BEND2: variants seen among roughly 807,000 people sequenced by gnomAD.
BEND2 encodes the protein BEN domain containing 2.
BEND2 carries 19 observed loss-of-function variants against 43.8 expected under a neutral mutation model. The ratio of observed to expected loss-of-function variants is 0.43; its 90% CI spans 0.30 to 0.64. The LOEUF (loss-of-function observed/expected upper bound fraction) is 0.64. Among genes scored for constraint, BEND2 ranks in the 30% least tolerant of loss-of-function variants. The probability of loss-of-function intolerance (pLI) is 0.11; values close to 1 mark genes in which losing one functional copy is unlikely to be tolerated. For missense variants in BEND2, 544 were observed against 574.0 expected (o/e 0.95, Z 0.53); for synonymous variants, 226 against 210.1 (o/e 1.08, Z -0.66).
chrX:18,184,139 C>T (rs1359310307), intron 8 of BEND2, among the ~76,000 whole-genome samples: 1 of 111,403 alleles, frequency 9.0e-6, no homozygotes, highest in Non-Finnish European at 1.9e-5. Context: ...CACCCCTTCC[C>T]CAGCTCCATG....
At chrX:18,170,960 T>A in intron 13 of BEND2, 41 bp downstream of exon 13, 1 of 1,208,035 alleles carries the variant, frequency 8.3e-7, no homozygotes, top group Non-Finnish European at 1.1e-6. Context: ...TTAAACACAA[T>A]TGGCTTTTAT....
chrX:18,215,132 T>C (rs934752417), intron 2 of BEND2, among the ~76,000 whole-genome samples: 6 of 112,098 alleles, frequency 5.4e-5, no homozygotes, highest in African/African-American at 1.9e-4. Flanking sequence ...TGTGTATACA[T>C]TGAAAGGCAA....
At chrX:18,169,468 C>T (rs753140932) in intron 13 of BEND2, among the ~76,000 whole-genome samples, 65 of 111,606 alleles carry the variant, frequency 5.8e-4, no homozygotes, top group Non-Finnish European at 1.1e-3. Context: ...GAACTCATTT[C>T]GAATGAAGGA....
In BEND2 at chrX:18,183,624, C is replaced by A. The variant is rs758541514; in HGVS notation, c.1289-2974G>T. Among the ~76,000 whole-genome samples the A allele has an allele frequency of 5.3e-5, 6 of 112,352 alleles. No individual in the cohort carries two copies. In the South Asian group the frequency reaches 2.2e-3, roughly 42 times the overall value. Reference sequence around the variant, plus strand: ...AGGCCTTGGCTCTTAGATGGCATTTCTGGGCCTGCCCTGGGCCAGAGGGGA... The same window carrying A: ...AGGCCTTGGCTCTTAGATGGCATTTATGGGCCTGCCCTGGGCCAGAGGGGA... On this transcript the variant is annotated intron_variant, in intron 8 of 13. Coordinates refer to ENST00000380033, the MANE Select transcript of BEND2 (RefSeq NM_153346.5).
chrX:18,200,259 T>C (rs930588313), intron 6 of BEND2, among the ~76,000 whole-genome samples: 1 of 111,106 alleles, frequency 9.0e-6, no homozygotes, highest in Non-Finnish European at 1.9e-5. Context: ...TCTCAGCACT[T>C]TGGGAGGCCG....
intron 7 of BEND2, among the ~76,000 whole-genome samples, chrX:18,194,848 T>G (rs1924884887): frequency 9.1e-6 from 1 of 110,460 alleles, no homozygotes; most frequent in Non-Finnish European, 1.9e-5. Flanking sequence ...AAGGGTGACC[T>G]GAGAGAGTTG....
At chrX:18,192,636 A>C (rs1924808034) in intron 7 of BEND2, among the ~76,000 whole-genome samples, 1 of 112,532 alleles carries the variant, frequency 8.9e-6, no homozygotes. Context: ...TTATACAAAA[A>C]TCTGTACATC....
chrX:18,170,949 C>G, intron 13 of BEND2, 52 bp downstream of exon 13: 2 of 1,208,060 alleles, frequency 1.7e-6, no homozygotes, highest in Non-Finnish European at 2.2e-6. Context: ...CTACCCTTCT[C>G]TTAAACACAA....
At chrX:18,204,907 A>G (rs1048546547) in intron 4 of BEND2, among the ~76,000 whole-genome samples, 3 of 112,142 alleles carry the variant, frequency 2.7e-5, no homozygotes, top group Admixed American at 9.5e-5. Flanking sequence ...TGTAACATAT[A>G]TGTTCATATA....
intron 4 of BEND2, among the ~76,000 whole-genome samples, chrX:18,208,519 T>C (rs1172361405): frequency 1.8e-5 from 2 of 110,945 alleles, no homozygotes; most frequent in East Asian, 5.6e-4. Context: ...GTAGTCAATG[T>C]CTTAATATCA....
intron 9 of BEND2, among the ~76,000 whole-genome samples, chrX:18,178,339 A>G (rs1168362208): frequency 9.0e-6 from 1 of 110,690 alleles, no homozygotes; most frequent in Admixed American, 9.7e-5. Flanking sequence ...CTCCCACCCC[A>G]TTATTCCCAC....
At chrX:18,187,836 T>C (rs1169029114) in intron 8 of BEND2, among the ~76,000 whole-genome samples, 1 of 111,615 alleles carries the variant, frequency 9.0e-6, no homozygotes, top group East Asian at 2.8e-4. Context: ...CTGACTACAA[T>C]GGAATAAAGC....
intron 11 of BEND2, among the ~76,000 whole-genome samples, chrX:18,175,706 T>C (rs1924124162): frequency 8.9e-6 from 1 of 112,653 alleles, no homozygotes; most frequent in Non-Finnish European, 1.9e-5. Context: ...TAGCTGAAAC[T>C]ATTTTCCTAG....
Position 18,178,665 on chromosome X carries a change from G to A in BEND2, c.1430-896C>T, listed in dbSNP as rs780702657. On this transcript the variant is annotated intron_variant, in intron 9 of 13. Coordinates refer to ENST00000380033, the MANE Select transcript of BEND2 (RefSeq NM_153346.5). ...AATTTTCCTGACAAGTGACATTTAT[G>A]TTGTACTTACATCCCAGGCATTGTG... Among the ~76,000 whole-genome samples the A allele has an allele frequency of 3.6e-5, 4 of 110,180 alleles. No homozygotes were observed. The South Asian group carries it at 1.2e-3, about 32-fold the overall frequency.
At chrX:18,207,974 AC>A (rs769294136) in intron 4 of BEND2, among the ~76,000 whole-genome samples, 110 of 109,680 alleles carry the variant, frequency 1.0e-3, no homozygotes, top group East Asian at 9.9e-3. Flanking sequence ...AGCTGAGATC[AC>A]ACCACTGCAC....
intron 2 of BEND2, among the ~76,000 whole-genome samples, chrX:18,214,120 TA>T (rs1373462887): frequency 9.2e-6 from 1 of 109,219 alleles, no homozygotes; most frequent in African/African-American, 3.3e-5. Context: ...TAGCAAGAAG[TA>T]AAAAAAGCCA....
intron 5 of BEND2, among the ~76,000 whole-genome samples, chrX:18,202,725 T>C (rs1925205729): frequency 8.9e-6 from 1 of 112,296 alleles, no homozygotes; most frequent in Admixed American, 9.5e-5. Context: ...CAATAAAGAT[T>C]TGTTTTTTTA....
chrX:18,208,242 C>T (rs1438090486), intron 4 of BEND2, among the ~76,000 whole-genome samples: 1 of 110,738 alleles, frequency 9.0e-6, no homozygotes, highest in African/African-American at 3.3e-5. Flanking sequence ...AATCCCAGCA[C>T]TTTGGGAGGC....
rs758134086 is a variant in BEND2 at position 18,198,033 on chromosome X, C to A, written c.1034-2591G>T. ...GCTGAAACTGGATCCCTTCCTTACA[C>A]CTTATACAAAAATTAATTCAAGATG... On this transcript the variant is annotated intron_variant, in intron 6 of 13. Transcript: ENST00000380033. 2.7e-5 allele frequency among the ~76,000 whole-genome samples: 3 copies of A among 111,734 alleles called. No homozygotes were observed. The South Asian group carries it at 1.1e-3, about 42-fold the overall frequency.
Sources: gnomAD v4.1 joint callset for allele counts (sites outside exome capture counted in the v4.1 genomes callset) on GRCh38, gnomAD v4.1.1 for gene constraint, MANE v1.5 for transcripts, NCBI Gene and HGNC (gene_info 2026-07-23, HGNC 2026-07-21) for gene names.